The following HS3ST5 variants were observed in gnomAD, a reference collection of about 807,000 sequenced individuals.
HS3ST5 encodes heparan sulfate glucosamine 3-O-sulfotransferase 5.
In HS3ST5, 10 loss-of-function variants were observed where a neutral mutation model predicts 25.4. The ratio of observed to expected loss-of-function variants is 0.39; its 90% confidence interval spans 0.24 to 0.67. The LOEUF (loss-of-function observed/expected upper bound fraction) is 0.67, where lower values mean the gene tolerates loss of function less well. HS3ST5 is among the 30% of genes least tolerant of loss of function. The pLI, the probability that HS3ST5 is intolerant of heterozygous loss-of-function variation, is 0.44. For missense variants in HS3ST5, 324 were observed against 420.7 expected (o/e 0.77, Z 2.01); for synonymous variants, 170 against 162.4 (o/e 1.05, Z -0.36).
chr6:114,146,926 A>G (rs1013728638), intron 3 of HS3ST5, among the ~76,000 whole-genome samples: 1 of 152,142 alleles, frequency 6.6e-6, no homozygotes, highest in Non-Finnish European at 1.5e-5. Context: ...TTCTTTATAA[A>G]TTACCCAGTT....
At chr6:114,267,232 T>C (rs1256440443) in intron 1 of HS3ST5, among the ~76,000 whole-genome samples, 1 of 152,222 alleles carries the variant, frequency 6.6e-6, no homozygotes, top group African/African-American at 2.4e-5. Context: ...TTTGCATTAA[T>C]AATCTAGCTA....
At chr6:114,109,508 C>T (rs530911247) in intron 3 of HS3ST5, among the ~76,000 whole-genome samples, 7 of 152,214 alleles carry the variant, frequency 4.6e-5, no homozygotes, top group African/African-American at 9.6e-5. Context: ...TGGACTTCCC[C>T]GGGGCCAGTC....
At chr6:114,293,588 C>T (rs1053248737) in intron 1 of HS3ST5, among the ~76,000 whole-genome samples, 6 of 152,132 alleles carry the variant, frequency 3.9e-5, no homozygotes, top group African/African-American at 1.2e-4. Flanking sequence ...CATGGGGCAA[C>T]TTAATTGTAA....
At chr6:114,209,314 T>C (rs796359026) in intron 2 of HS3ST5, among the ~76,000 whole-genome samples, 104 of 152,246 alleles carry the variant, frequency 6.8e-4, no homozygotes, top group African/African-American at 2.3e-3. Flanking sequence ...AAAATGTGCA[T>C]TTTGAATTCC....
intron 3 of HS3ST5, among the ~76,000 whole-genome samples, chr6:114,075,521 G>T (rs187103371): frequency 6.6e-6 from 1 of 152,342 alleles, no homozygotes; most frequent in East Asian, 1.9e-4. Flanking sequence ...TGAGCTGGTA[G>T]CTGTGCGTTT....
intron 2 of HS3ST5, among the ~76,000 whole-genome samples, chr6:114,213,053 A>T (rs1391532746): frequency 6.6e-6 from 1 of 152,152 alleles, no homozygotes; most frequent in African/African-American, 2.4e-5. Flanking sequence ...AAGATGGTAA[A>T]TGCAGAGGAT....
At chr6:114,270,350 T>C (rs1773586024) in intron 1 of HS3ST5, among the ~76,000 whole-genome samples, 1 of 152,074 alleles carries the variant, frequency 6.6e-6, no homozygotes, top group Non-Finnish European at 1.5e-5. Context: ...TCAGTGAAAA[T>C]ATAAGAAGGA....
intron 3 of HS3ST5, among the ~76,000 whole-genome samples, chr6:114,164,223 A>G (rs1483124408): frequency 6.6e-6 from 1 of 152,186 alleles, no homozygotes; most frequent in Non-Finnish European, 1.5e-5. Context: ...ATATTTGTAT[A>G]GTTTAGAAAA....
intron 4 of HS3ST5, among the ~76,000 whole-genome samples, chr6:114,061,911 G>A (rs1039085505): frequency 1.3e-4 from 20 of 152,130 alleles, no homozygotes; most frequent in African/African-American, 4.8e-4. Flanking sequence ...TTACGCCATT[G>A]CACTCTAGCT....
intron 2 of HS3ST5, among the ~76,000 whole-genome samples, chr6:114,224,643 G>C (rs1442600130): frequency 6.6e-6 from 1 of 150,394 alleles, no homozygotes; most frequent in East Asian, 1.9e-4. Flanking sequence ...CCTTGATATT[G>C]AGAATAAAGT....
Position 114,087,738 on chromosome 6 carries a change from C to T in HS3ST5, c.-32-24861G>A, listed in dbSNP as rs117566129. 3.0e-4 allele frequency among the ~76,000 whole-genome samples: 46 copies of T among 152,286 alleles called. 1 individual carries two copies. The East Asian group carries it at 8.7e-3, about 29-fold the overall frequency. On this transcript the variant is annotated intron_variant, in intron 3 of 4. Coordinates refer to ENST00000312719, the MANE Select transcript of HS3ST5 (RefSeq NM_153612.4). ...AGCCTCAATGTTTCTCCCAAGTTTT[C>T]ATAACCTGTGAGTCGACCACCATGC...
chr6:114,112,852 C>A (rs994955414), intron 3 of HS3ST5, among the ~76,000 whole-genome samples: 3 of 152,156 alleles, frequency 2.0e-5, no homozygotes, highest in African/African-American at 7.2e-5. Context: ...ACCACATGTT[C>A]CTGCCATTTT....
rs73542372 is a variant in HS3ST5, at chr6:114,282,462, G to A, written c.-338-53684C>T. On this transcript the variant is annotated intron_variant, in intron 1 of 4. Transcript: ENST00000312719. ...AACAATGCTACCCCACAGCATCCCC[G>A]TTCTCTTAGGCTATTAGGCCATGTC... Among the ~76,000 whole-genome samples the A allele has an allele frequency of 5.0e-3, 755 of 151,916 alleles. 4 individuals are homozygous for A. The highest frequency in any genetic ancestry group is 0.017 in the African/African-American group (709 of 41,470).
chr6:114,322,943 C>G (rs1020354833), intron 1 of HS3ST5, among the ~76,000 whole-genome samples: 4 of 152,142 alleles, frequency 2.6e-5, no homozygotes, highest in Non-Finnish European at 5.9e-5. Flanking sequence ...ACTTGTGTCA[C>G]TTTCAGAGGA....
At chr6:114,248,226 A>T (rs1427192321) in intron 1 of HS3ST5, among the ~76,000 whole-genome samples, 1 of 147,134 alleles carries the variant, frequency 6.8e-6, no homozygotes, top group Admixed American at 6.8e-5. Flanking sequence ...AAATATATAT[A>T]TATATATATA....
intron 1 of HS3ST5, chr6:114,230,348 T>C (rs1004884390): frequency 8.5e-5 from 13 of 152,068 alleles, no homozygotes; most frequent in Non-Finnish European, 1.8e-4. Flanking sequence ...AAAATCTCAG[T>C]AAGAGACTTA....
At chr6:114,165,324 C>A (rs764780449) in intron 3 of HS3ST5, among the ~76,000 whole-genome samples, 1 of 152,146 alleles carries the variant, frequency 6.6e-6, no homozygotes, top group African/African-American at 2.4e-5. Flanking sequence ...TCAGCATCAG[C>A]GCTAGGTCAC....
Position 114,091,014 on chromosome 6 carries a change from T to A in HS3ST5, c.-32-28137A>T, listed in dbSNP as rs79862430. 2.2e-3 allele frequency among the ~76,000 whole-genome samples: 334 copies of A among 152,308 alleles called. 12 individuals carry two copies. In the East Asian group the frequency reaches 0.051, roughly 23 times the overall value. ...TTAGGGAAAAAAGTGACAAATACTT[T>A]CTGTGGGGAGAAAAAAACTATTTCT... On this transcript the variant is annotated intron_variant, in intron 3 of 4. Transcript: ENST00000312719.
At chr6:114,196,003 G>A (rs1349052140) in intron 2 of HS3ST5, among the ~76,000 whole-genome samples, 2 of 152,144 alleles carry the variant, frequency 1.3e-5, no homozygotes, top group Non-Finnish European at 2.9e-5. Context: ...CCAGAAATTC[G>A]TGGCTTATGC....
Sources: allele counts gnomAD v4.1 joint callset (sites outside exome capture counted in the v4.1 genomes callset), GRCh38; gene constraint gnomAD v4.1.1; transcripts MANE v1.5; gene names NCBI Gene and HGNC (gene_info 2026-07-23, HGNC 2026-07-21).